SIK2: variants seen among roughly 807,000 people sequenced by gnomAD.
SIK2 encodes salt inducible kinase 2.
In SIK2, 29 loss-of-function variants were observed where a neutral mutation model predicts 103.2. The observed-to-expected ratio is 0.28, with a 90% CI of 0.21 to 0.38. SIK2 has a LOEUF of 0.38. SIK2 is among the 10% of genes least tolerant of loss of function. The pLI, the probability that SIK2 is intolerant of heterozygous loss-of-function variation, is 1.00. For missense variants in SIK2, 879 were observed against 1,171.0 expected (o/e 0.75, Z 3.64); for synonymous variants, 412 against 446.1 (o/e 0.92, Z 0.96).
chr11:111,715,793 C>CTTTTTTTTTTTTT (rs535843069), intron 9 of SIK2, among the ~76,000 whole-genome samples: 3 of 81,580 alleles, frequency 3.7e-5, no homozygotes, highest in African/African-American at 4.9e-5. Context: ...TCATTTTTAG[C>CTTTTTTTTTTTTT]TTTTTTTTTT....
At chr11:111,636,535 G>T (rs1367968910) in intron 3 of SIK2, among the ~76,000 whole-genome samples, 1 of 152,190 alleles carries the variant, frequency 6.6e-6, no homozygotes, top group Non-Finnish European at 1.5e-5. Flanking sequence ...GGGATTAAAA[G>T]AAAATATGTG....
intron 3 of SIK2, among the ~76,000 whole-genome samples, chr11:111,640,510 A>G (rs932247722): frequency 6.6e-6 from 1 of 152,190 alleles, no homozygotes. Context: ...ATTAAATAGT[A>G]TAACATTTTC....
Position 111,602,721 on chromosome 11 carries a change from A to G in SIK2, c.135+23A>G. The G allele has an allele frequency of 6.7e-7, 1 of 1,483,234 alleles. No individual in the cohort carries two copies. 91.9% of individuals were successfully genotyped at this position (1,483,234 alleles called of 1,614,324 possible). A position where few individuals can be genotyped will look rare whatever the true frequency, so the allele number is the denominator to read the frequency against. On this transcript the variant is annotated intron_variant, in intron 1 of 14. Coordinates refer to ENST00000304987, the MANE Select transcript of SIK2 (RefSeq NM_015191.3). The surrounding 1 kb of genome is among the most constrained non-coding windows in gnomAD (Gnocchi z 4.5). ...GAGGTGCGGCCCGGGGCTCGGCGGGAGCGTCCGAGGCGAGGGTTCGGGAGA... is the reference window on the plus strand; with the variant it reads ...GAGGTGCGGCCCGGGGCTCGGCGGGGGCGTCCGAGGCGAGGGTTCGGGAGA...
intron 3 of SIK2, among the ~76,000 whole-genome samples, chr11:111,624,171 GA>G (rs1384392177): frequency 6.6e-6 from 1 of 152,156 alleles, no homozygotes; most frequent in African/African-American, 2.4e-5. Flanking sequence ...GTATTTTAAA[GA>G]GAAAGAACCA....
chr11:111,724,234 C>T lies in SIK2; in HGVS notation c.*105C>T, dbSNP rs568309205. The T allele has an allele frequency of 2.7e-5, 39 of 1,432,974 alleles. No homozygotes were observed. Among genetic ancestry groups the T allele is most frequent in the South Asian group, 5.7e-5 (4 of 69,578 alleles). 88.8% of individuals were successfully genotyped at this position (1,432,974 alleles called of 1,614,324 possible). On this transcript the variant is annotated 3_prime_UTR_variant, in exon 15 of 15. Transcript: ENST00000304987. Reference sequence around the variant, plus strand: ...GCTTATTTTCTTGCCCTCTCCCTAACGGGGAGAAATCGAGCCACCCAACTG... The same window carrying T: ...GCTTATTTTCTTGCCCTCTCCCTAATGGGGAGAAATCGAGCCACCCAACTG...
chr11:111,626,035 T>G (rs1941956388), intron 3 of SIK2, among the ~76,000 whole-genome samples: 1 of 152,220 alleles, frequency 6.6e-6, no homozygotes, highest in African/African-American at 2.4e-5. Context: ...TGAGACATAA[T>G]TTGGGGATTT....
chr11:111,649,214 A>T (rs1942297057), intron 3 of SIK2, among the ~76,000 whole-genome samples: 1 of 152,008 alleles, frequency 6.6e-6, no homozygotes, highest in African/African-American at 2.4e-5. Context: ...CGTTGTGTTG[A>T]TCCTTGCACA....
chr11:111,706,851 TTGGGAGGC>T (rs796475001), intron 8 of SIK2, among the ~76,000 whole-genome samples: 123 of 151,382 alleles, frequency 8.1e-4, no homozygotes, highest in African/African-American at 2.8e-3. Flanking sequence ...TCCCAGCTAC[TTGGGAGGC>T]TGAGGCAGGA....
rs1943892021 is a variant in SIK2, at chr11:111,724,045, CCTCTCTGAG to C, written c.2700_2708del (p.Ser901_Leu903del). 2 of 1,614,162 alleles carry C rather than the reference CCTCTCTGAG, an allele frequency of 1.2e-6. No individual in the cohort carries two copies. The highest frequency in any genetic ancestry group is 1.7e-6 in the Non-Finnish European group (2 of 1,180,048). On this transcript the variant is annotated inframe_deletion, in exon 15 of 15. Coordinates refer to ENST00000304987, the MANE Select transcript of SIK2 (RefSeq NM_015191.3). ...CCCCCTCCAGCTACGACCCACTAGCCCTCTCTGAGCTACCTGGACTCTTTGATTGTGAAA... is the reference window on the plus strand; with the variant it reads ...CCCCCTCCAGCTACGACCCACTAGCCCTACCTGGACTCTTTGATTGTGAAA...
At position 111,726,731 on chromosome 11, in the gene SIK2, G is replaced by A. The variant is rs1943979848; in HGVS notation, c.*2602G>A. ...CTACTAACAAACAAAACACTAAGAA[G>A]GCTTAGTATCGCTCTTTTTCTGCGG... On this transcript the variant is annotated 3_prime_UTR_variant, in exon 15 of 15. Transcript: ENST00000304987. 2 of 544,692 alleles carry A rather than the reference G, an allele frequency of 3.7e-6. No individual in the cohort carries two copies. The highest frequency in any genetic ancestry group is 6.6e-6 in the Non-Finnish European group (2 of 304,648). 33.7% of individuals were successfully genotyped at this position (544,692 alleles called of 1,614,324 possible). A position where few individuals can be genotyped will look rare whatever the true frequency, so the allele number is the denominator to read the frequency against.
chr11:111,647,561 CGA>C (rs1942273558), intron 3 of SIK2, among the ~76,000 whole-genome samples: 3 of 45,152 alleles, frequency 6.6e-5, no homozygotes, highest in African/African-American at 2.3e-4. Flanking sequence ...ACCCCCATCT[CGA>C]AAAAAAAAAA....
intron 1 of SIK2, among the ~76,000 whole-genome samples, chr11:111,615,592 C>T (rs1941795174): frequency 6.6e-6 from 1 of 152,120 alleles, no homozygotes; most frequent in Non-Finnish European, 1.5e-5. Context: ...AAATTATTAA[C>T]CTTGGAATTG....
intron 1 of SIK2, among the ~76,000 whole-genome samples, chr11:111,607,667 A>G (rs967406711): frequency 2.0e-5 from 3 of 152,202 alleles, no homozygotes; most frequent in Non-Finnish European, 2.9e-5. Context: ...ATTGAAATAA[A>G]ATTGTATTTG....
At chr11:111,698,906 ATAGTCCTTGACTCATTTAACATC>A (rs1265538893) in intron 4 of SIK2, among the ~76,000 whole-genome samples, 1 of 152,242 alleles carries the variant, frequency 6.6e-6, no homozygotes, top group Non-Finnish European at 1.5e-5. Flanking sequence ...ACATTTGAAC[ATAGTCCTTGACTCATTTAACATC>A]TAGTCCTTGA....
intron 3 of SIK2, among the ~76,000 whole-genome samples, chr11:111,673,950 T>G (rs1036352176): frequency 3.3e-5 from 5 of 151,958 alleles, no homozygotes; most frequent in Non-Finnish European, 5.9e-5. Context: ...GGCACGCACC[T>G]GTAATCCCAG....
intron 1 of SIK2, among the ~76,000 whole-genome samples, chr11:111,610,260 C>T (rs1443960956): frequency 2.0e-5 from 3 of 152,072 alleles, no homozygotes; most frequent in Admixed American, 1.3e-4. Context: ...GGGGCCGAGG[C>T]GGGTGGATTG....
chr11:111,712,494 G>A (rs1943528275), intron 9 of SIK2, 119 bp downstream of exon 9: 6 of 1,086,894 alleles, frequency 5.5e-6, no homozygotes, highest in Non-Finnish European at 7.7e-6. Context: ...ACTCAGGAGT[G>A]ATGCTTTTGT....
intron 4 of SIK2, 24 bp from the exon 5 acceptor site, chr11:111,700,861 AT>A (rs769138653): frequency 6.2e-7 from 1 of 1,612,666 alleles, no homozygotes; most frequent in Non-Finnish European, 8.5e-7. Context: ...ATAGATGAAA[AT>A]AACATTTATT....
At chr11:111,647,582 A>C (rs972714426) in intron 3 of SIK2, among the ~76,000 whole-genome samples, 1 of 115,716 alleles carries the variant, frequency 8.6e-6, no homozygotes, top group East Asian at 2.7e-4. Flanking sequence ...AAAAAAAAAA[A>C]GGCTGAACAC....
Sources: allele counts gnomAD v4.1 joint callset (sites outside exome capture counted in the v4.1 genomes callset), GRCh38; gene constraint gnomAD v4.1.1; non-coding constraint Gnocchi (gnomAD v3.1); transcripts MANE v1.5; gene names NCBI Gene and HGNC (gene_info 2026-07-23, HGNC 2026-07-21).